Variants in ABCC11 observed in about 807,000 individuals in gnomAD.
ABCC11 encodes ATP-binding cassette sub-family C member 11.
A neutral mutation model predicts 149.3 loss-of-function variants in ABCC11; 135 were observed. That is an observed-to-expected ratio of 0.90 (90% CI 0.79 to 1.04). ABCC11 has a LOEUF of 1.04. ABCC11 is among the 50% of genes least tolerant of loss of function. The probability of loss-of-function intolerance (pLI) is 0.00; values close to 1 mark genes in which losing one functional copy is unlikely to be tolerated. For missense variants in ABCC11, 1,680 were observed against 1,722.1 expected, an observed-to-expected ratio of 0.98 and a Z score of 0.43; for synonymous variants, 665 against 671.4, an observed-to-expected ratio of 0.99 and a Z score of 0.15.
rs576051201 is a variant in ABCC11, at chr16:48,198,070, G to A, written c.2218-3C>T. 6.2e-7 allele frequency: 1 copy of A among 1,614,170 alleles called. No homozygotes were observed. The highest frequency in any genetic ancestry group is 1.1e-5 in the South Asian group (1 of 91,078). On this transcript the variant is annotated splice_region_variant and splice_polypyrimidine_tract_variant and intron_variant, in intron 16 of 29. Transcript: ENST00000356608. ...TTTGCTGTGTCCTGCAACATGTCCT[G>A]GGGAGAGAGCACAGGCCCTGAGTAC... is the stretch of plus-strand genomic sequence containing the variant.
intron 20 of ABCC11, among the ~76,000 whole-genome samples, chr16:48,188,176 C>G (rs1046662321): frequency 6.6e-6 from 1 of 152,218 alleles, no homozygotes; most frequent in Non-Finnish European, 1.5e-5. Context: ...TACGGGGTAG[C>G]CCTGCTCTGC....
chr16:48,177,195 G>A (rs192098195), intron 24 of ABCC11, 82 bp from the exon 25 acceptor site: 1 of 1,436,252 alleles, frequency 7.0e-7, no homozygotes, highest in African/African-American at 1.4e-5. Flanking sequence ...GCCTCCCGCT[G>A]TAGGGGGTGT....
chr16:48,244,926 C>T (rs964718502), intron 1 of ABCC11, among the ~76,000 whole-genome samples: 8 of 152,170 alleles, frequency 5.3e-5, no homozygotes, highest in African/African-American at 1.7e-4. Flanking sequence ...GGTCTTCAGC[C>T]TCCTAGGCCA....
chr16:48,222,546 C>T (rs1343034360), intron 6 of ABCC11, 52 bp downstream of exon 6: 90 of 1,518,222 alleles, frequency 5.9e-5, no homozygotes, highest in South Asian at 1.8e-4. Context: ...CAGTTATGTC[C>T]GGAGGAAGGG....
chr16:48,234,156 G>A (rs190887726), intron 1 of ABCC11, among the ~76,000 whole-genome samples: 20 of 152,284 alleles, frequency 1.3e-4, no homozygotes, highest in Admixed American at 1.0e-3. Context: ...GGCCGATTTC[G>A]TGATGTGATA....
intron 14 of ABCC11, among the ~76,000 whole-genome samples, chr16:48,200,947 A>G (rs1232154415): frequency 1.3e-5 from 2 of 152,234 alleles, no homozygotes; most frequent in Admixed American, 6.5e-5. Flanking sequence ...TGACCTGATC[A>G]TTACATATTC....
intron 10 of ABCC11, 145 bp downstream of exon 10, chr16:48,213,298 C>G: frequency 1.5e-6 from 1 of 646,964 alleles, no homozygotes; most frequent in Non-Finnish European, 2.6e-6. Context: ...CCACACCAGC[C>G]TTGGAACAGG....
chr16:48,179,598 A>T (rs1413831120), intron 23 of ABCC11, among the ~76,000 whole-genome samples: 1 of 152,184 alleles, frequency 6.6e-6, no homozygotes, highest in Non-Finnish European at 1.5e-5. Flanking sequence ...AGTGCAGCAG[A>T]TGTAGGCCTG....
chr16:48,205,903 C>A lies in ABCC11; in HGVS notation c.1681-366G>T, dbSNP rs1024251750. On this transcript the variant is annotated intron_variant, in intron 12 of 29. Coordinates refer to ENST00000356608, the MANE Select transcript of ABCC11 (RefSeq NM_001370497.1). ...TCGGCTCACTGCAAGCTCCACCTCC[C>A]GGGTTCACACCATTCTCCTGCCTCA... Among the ~76,000 whole-genome samples the A allele has an allele frequency of 5.8e-4, 89 of 152,162 alleles. 1 individual carries two copies. Among genetic ancestry groups the A allele is most frequent in the African/African-American group, 2.0e-3 (85 of 41,526 alleles).
chr16:48,205,336 G>T, intron 13 of ABCC11, 77 bp downstream of exon 13: 1 of 1,583,298 alleles, frequency 6.3e-7, no homozygotes, highest in Non-Finnish European at 8.6e-7. Context: ...CAGTTGTCAG[G>T]TTACCGTTTG....
rs762840512 is a variant in ABCC11, at chr16:48,210,935, T to TGAAC, written c.1608+9_1608+12dup. 119 of 1,611,242 alleles carry TGAAC rather than the reference T, an allele frequency of 7.4e-5. No individual in the cohort carries two copies. The highest frequency in any genetic ancestry group is 1.7e-4 in the Middle Eastern group (1 of 6,048). On this transcript the variant is annotated intron_variant, in intron 11 of 29. Coordinates refer to ENST00000356608, the MANE Select transcript of ABCC11 (RefSeq NM_001370497.1). ...TGGCAGCTGGCCTGCCTGCGTGGCC[T>TGAAC]GAACAAGGCTACCTTGGACACCACC...
At chr16:48,221,793 G>A (rs566173454) in intron 6 of ABCC11, among the ~76,000 whole-genome samples, 1 of 152,294 alleles carries the variant, frequency 6.6e-6, no homozygotes, top group South Asian at 2.1e-4. Flanking sequence ...CTAGGCTGGA[G>A]TACAGTGGTG....
At chr16:48,215,483 A>G (rs750271589) in intron 7 of ABCC11, 139 bp from the exon 8 acceptor site, 6 of 1,008,100 alleles carry the variant, frequency 6.0e-6, no homozygotes, top group Non-Finnish European at 8.5e-6. Context: ...TCTCCAGGCC[A>G]CTATGCCTTA....
chr16:48,236,663 A>G (rs9932328), intron 1 of ABCC11, among the ~76,000 whole-genome samples: 19,905 of 152,150 alleles, frequency 0.13, 1,617 homozygotes, highest in African/African-American at 0.23. Flanking sequence ...CACAGTCACG[A>G]AAGACTTCAC....
intron 11 of ABCC11, chr16:48,210,547 C>T (rs569969019): frequency 5.7e-6 from 1 of 175,434 alleles, no homozygotes; most frequent in South Asian, 1.5e-4. Context: ...TTTTTGTAAA[C>T]ATTAGGCAGA....
chr16:48,231,332 A>G (rs2150920551), intron 2 of ABCC11, among the ~76,000 whole-genome samples: 1 of 152,256 alleles, frequency 6.6e-6, no homozygotes, highest in South Asian at 2.1e-4. Context: ...ATGATGGATT[A>G]TAATTGATCT....
At position 48,198,234 on chromosome 16, in the gene ABCC11, C is replaced by T. The variant is rs750194085; in HGVS notation, c.2124G>A (p.Gly708=). Residue 708 remains glycine, a synonymous_variant, in exon 16 of 30, where the codon GGG becomes GGA. Transcript: ENST00000356608. ...TGTGAGTTCCATTTTCACAGATTTT[C>T]CCATTTTCCAACAAAATGATCTGGC... is the stretch of plus-strand genomic sequence containing the variant. ...FCGQIILLEN[G]KICENGTHSE... 6.2e-7 allele frequency: 1 copy of T among 1,614,174 alleles called. No individual in the cohort carries two copies. Among genetic ancestry groups the T allele is most frequent in the Non-Finnish European group, 8.5e-7 (1 of 1,180,038 alleles).
chr16:48,210,089 G>T (rs1968793850), intron 11 of ABCC11: 1 of 152,170 alleles, frequency 6.6e-6, no homozygotes, highest in Non-Finnish European at 1.5e-5. Context: ...AATCAAGTGT[G>T]ACTTCCAGGT....
intron 24 of ABCC11, among the ~76,000 whole-genome samples, chr16:48,178,348 G>A (rs1966217748): frequency 6.6e-6 from 1 of 152,144 alleles, no homozygotes; most frequent in Admixed American, 6.5e-5. Context: ...TCATTTCCAA[G>A]AGGAGAAGAT....
Sources: gnomAD v4.1 joint callset for allele counts (sites outside exome capture counted in the v4.1 genomes callset) on GRCh38, gnomAD v4.1.1 for gene constraint, MANE v1.5 for transcripts, NCBI Gene and HGNC (gene_info 2026-07-23, HGNC 2026-07-21) for gene names.